ATRX: variants seen among roughly 807,000 people sequenced by gnomAD.
ATRX encodes chromatin remodeler ATRX.
A neutral mutation model predicts 172.6 loss-of-function variants in ATRX; 12 were observed. That is an observed-to-expected ratio of 0.07 (90% confidence interval 0.04 to 0.11). The LOEUF (loss-of-function observed/expected upper bound fraction) is 0.11. Ranked by LOEUF, ATRX falls within the 10% of genes least tolerant of loss-of-function variation. The pLI, the probability that ATRX is intolerant of heterozygous loss-of-function variation, is 1.00. For synonymous variants in ATRX, 674 were observed against 594.7 expected (o/e 1.13, Z -1.94); for missense variants, 1,368 against 1,767.4 (o/e 0.77, Z 4.05).
chrX:77,734,533 T>A (rs1027962094), intron 1 of ATRX, among the ~76,000 whole-genome samples: 1 of 112,340 alleles, frequency 8.9e-6, no homozygotes, highest in Non-Finnish European at 1.9e-5. Context: ...ATGCCTGTAA[T>A]CCCAGCACTT....
At chrX:77,750,100 T>C (rs1343229760) in intron 1 of ATRX, among the ~76,000 whole-genome samples, 1 of 112,162 alleles carries the variant, frequency 8.9e-6, no homozygotes, top group Non-Finnish European at 1.9e-5. Flanking sequence ...ATAAGATATT[T>C]TGAAACCAAA....
intron 27 of ATRX, among the ~76,000 whole-genome samples, chrX:77,589,232 G>C (rs1333739734): frequency 8.9e-6 from 1 of 112,101 alleles, no homozygotes; most frequent in African/African-American, 3.2e-5. Context: ...ACATAAAGGA[G>C]ATTAGTGGTT....
chrX:77,588,745 A>T (rs909166357), intron 27 of ATRX, among the ~76,000 whole-genome samples: 2 of 112,219 alleles, frequency 1.8e-5, no homozygotes, highest in Non-Finnish European at 3.8e-5. Flanking sequence ...AGTATGTAGA[A>T]TATATTTTTT....
intron 1 of ATRX, among the ~76,000 whole-genome samples, chrX:77,741,230 ATTTAAAAAAGTAAAGT>A (rs2074853117): frequency 9.0e-6 from 1 of 111,411 alleles, no homozygotes; most frequent in South Asian, 3.7e-4. Context: ...TTAAATTTAA[ATTTAAAAAAGTAAAGT>A]CATGGCTATT....
In ATRX at chrX:77,682,235, T is replaced by A. The variant is rs1246722368; in HGVS notation, c.3021A>T (p.Gln1007His). The change falls in exon 9 of 35, where the codon CAA becomes CAT. Residue 1007 changes from glutamine to histidine, a missense_variant. Gln to His is a conservative substitution (Grantham distance 24). Around this residue, in one of 17 missense-constraint regions of ATRX, gnomAD observed 843 missense variants for 643.1 expected, o/e 1.31. Transcript: ENST00000373344. ...TGCCATCAGATGAAGATTCATACTG[T>A]TGTTCCATTTTAATTACTTTTTTCT... ...DFKKKVIKME[Q>H]QYESSSDGTE... 1 of 1,206,946 alleles carries A rather than the reference T, an allele frequency of 8.3e-7. No individual in the cohort carries two copies. Among genetic ancestry groups the A allele is most frequent in the Non-Finnish European group, 1.1e-6 (1 of 893,629 alleles).
intron 1 of ATRX, among the ~76,000 whole-genome samples, chrX:77,746,418 T>C (rs2075078113): frequency 8.9e-6 from 1 of 112,033 alleles, no homozygotes; most frequent in South Asian, 3.7e-4. Flanking sequence ...CTGTATATAC[T>C]TATTGTATTT....
At chrX:77,784,245 T>G (rs2076660737) in intron 1 of ATRX, among the ~76,000 whole-genome samples, 1 of 111,871 alleles carries the variant, frequency 8.9e-6, no homozygotes, top group East Asian at 2.8e-4. Context: ...AACCAAGTAC[T>G]TACCTCACAG....
intron 5 of ATRX, among the ~76,000 whole-genome samples, chrX:77,694,945 G>A (rs2072105024): frequency 9.4e-6 from 1 of 106,207 alleles, no homozygotes; most frequent in Non-Finnish European, 1.9e-5. Flanking sequence ...ACAGATTGTA[G>A]TAAAATTAAA....
At chrX:77,770,602 T>C (rs1302961335) in intron 1 of ATRX, among the ~76,000 whole-genome samples, 2 of 111,536 alleles carry the variant, frequency 1.8e-5, no homozygotes, top group Non-Finnish European at 1.9e-5. Context: ...CAAACCCAAA[T>C]AGAGATACAT....
At chrX:77,530,118 T>G (rs2147797072) in intron 30 of ATRX, among the ~76,000 whole-genome samples, 1 of 111,714 alleles carries the variant, frequency 9.0e-6, no homozygotes, top group African/African-American at 3.2e-5. Flanking sequence ...GCAATCAAAT[T>G]AGAACTCAAG....
intron 19 of ATRX, among the ~76,000 whole-genome samples, chrX:77,629,982 G>C (rs1163007443): frequency 8.9e-6 from 1 of 112,296 alleles, no homozygotes; most frequent in Non-Finnish European, 1.9e-5. Context: ...GCACACACAC[G>C]CGTGAGCGCA....
chrX:77,677,206 G>C (rs781947608), intron 9 of ATRX, among the ~76,000 whole-genome samples: 1 of 111,430 alleles, frequency 9.0e-6, no homozygotes, highest in African/African-American at 3.3e-5. Flanking sequence ...TTAAACTGTA[G>C]GTTAATACTA....
chrX:77,771,033 T>C (rs1465997511), intron 1 of ATRX, among the ~76,000 whole-genome samples: 1 of 112,099 alleles, frequency 8.9e-6, no homozygotes, highest in African/African-American at 3.2e-5. Context: ...AAAGTATTTG[T>C]TGATTTTCTA....
At chrX:77,566,286 GA>G (rs1482960324) in intron 28 of ATRX, among the ~76,000 whole-genome samples, 1 of 111,573 alleles carries the variant, frequency 9.0e-6, no homozygotes. Flanking sequence ...TCTAAGGGGG[GA>G]AAAACAATTC....
intron 4 of ATRX, 74 bp downstream of exon 4, chrX:77,697,509 A>G (rs781883478): frequency 2.7e-6 from 3 of 1,100,998 alleles, no homozygotes; most frequent in Non-Finnish European, 3.8e-6. Context: ...TGAGTTCAGA[A>G]AAAAACATGG....
rs2071434460 is a variant in ATRX at position 77,684,338 on chromosome X, A to G, written c.918T>C (p.Asn306=). The G allele has an allele frequency of 8.3e-7, 1 of 1,207,943 alleles. No homozygotes were observed. Among genetic ancestry groups the G allele is most frequent in the South Asian group, 1.8e-5 (1 of 56,793 alleles). ...KKIKVDSEKS[N]KVYEHTSRFS... The stretch of plus-strand genomic sequence containing the variant: ...ATCTGGATGTATGTTCATATACTTT[A>G]TTACTCTTTTCACTGTCAACTTTTA... The change falls in exon 9 of 35, where the codon AAT becomes AAC. Residue 306 remains asparagine, a synonymous_variant. Coordinates refer to ENST00000373344, the MANE Select transcript of ATRX (RefSeq NM_000489.6).
At chrX:77,545,654 A>G (rs1358578198) in intron 30 of ATRX, among the ~76,000 whole-genome samples, 1 of 111,886 alleles carries the variant, frequency 8.9e-6, no homozygotes, top group African/African-American at 3.2e-5. Context: ...GGAATGCAAA[A>G]GAAAAGCTAA....
chrX:77,705,842 G>A (rs1272733704), intron 2 of ATRX, among the ~76,000 whole-genome samples: 1 of 112,417 alleles, frequency 8.9e-6, no homozygotes, highest in Non-Finnish European at 1.9e-5. Flanking sequence ...TTGATTGCCA[G>A]TTTTGCAAAA....
At chrX:77,600,604 T>C (rs1557086639) in intron 22 of ATRX, 40 bp from the exon 23 acceptor site, 1 of 1,193,387 alleles carries the variant, frequency 8.4e-7, no homozygotes. Context: ...AAAAATTGTC[T>C]ATATCAACCA....
Sources: gnomAD v4.1 joint callset for allele counts (sites outside exome capture counted in the v4.1 genomes callset) on GRCh38, gnomAD v4.1.1 for gene constraint, gnomAD v4.1.1 regional missense constraint, MANE v1.5 for transcripts, NCBI Gene and HGNC (gene_info 2026-07-23, HGNC 2026-07-21) for gene names.